Variants in RGPD4 observed in about 807,000 individuals in gnomAD.
RGPD4 encodes RANBP2 like and GRIP domain containing 4, also known as ranBP2-like and GRIP domain-containing protein 4.
RGPD4 carries 84 observed loss-of-function variants against 141.1 expected under a neutral mutation model. The ratio of observed to expected loss-of-function variants is 0.60; its 90% CI spans 0.50 to 0.71. RGPD4 has a LOEUF of 0.71. RGPD4 is among the 30% of genes least tolerant of loss of function. The pLI is 0.00. For synonymous variants in RGPD4, 298 were observed against 566.8 expected (o/e 0.53, Z 6.74); for missense variants, 918 against 1,622.4 (o/e 0.57, Z 7.46).
chr2:107,858,433 CT>C (rs1558804111), intron 9 of RGPD4, among the ~76,000 whole-genome samples: 391 of 151,690 alleles, frequency 2.6e-3, no homozygotes, highest in African/African-American at 8.6e-3. Flanking sequence ...CTTTTCTTTT[CT>C]TTTCTTTTCT....
At chr2:107,890,699 T>A in intron 22 of RGPD4, 22 bp from the exon 23 acceptor site, 3 of 1,596,922 alleles carry the variant, frequency 1.9e-6, no homozygotes, top group Non-Finnish European at 2.6e-6. Context: ...TTTTTCTTTT[T>A]TTTTTGTTTT....
chr2:107,853,420 G>A (rs1222715641), intron 7 of RGPD4, among the ~76,000 whole-genome samples: 10 of 140,836 alleles, frequency 7.1e-5, no homozygotes, highest in Admixed American at 3.6e-4. Context: ...TCTTCCCTTC[G>A]CCATTCTATT....
Position 107,869,881 on chromosome 2 carries a change from A to C in RGPD4, c.2606-2A>C, listed in dbSNP as rs1431969380. 2 of 1,277,870 alleles carry C rather than the reference A, an allele frequency of 1.6e-6. No individual in the cohort carries two copies. Among genetic ancestry groups the C allele is most frequent in the Admixed American group, 4.7e-5 (2 of 42,886 alleles). 79.2% of individuals were successfully genotyped at this position (1,277,870 alleles called of 1,614,324 possible). A position where few individuals can be genotyped will look rare whatever the true frequency, so the allele number is the denominator to read the frequency against. On this transcript the variant is annotated splice_acceptor_variant, in intron 18 of 22. Transcript: ENST00000408999. LOFTEE classifies it high-confidence loss of function. ...TTCTTTCTTTTCTTTTTTTTTTTTT[A>C]GTTGCAACTACTGGCCCTTCAGTAT...
At position 107,854,725 on chromosome 2, in the gene RGPD4, T is replaced by G. The variant is rs1257009328; in HGVS notation, c.1066+82T>G. 1.9e-6 allele frequency: 3 copies of G among 1,566,908 alleles called. No individual in the cohort carries two copies. The African/African-American group carries it at 4.2e-5, about 22-fold the overall frequency. ...CATATCTTATGATAAAATCTCCATCTGTCCAGGAGATAATTTGTCAAAATT... is the reference window on the plus strand; with the variant it reads ...CATATCTTATGATAAAATCTCCATCGGTCCAGGAGATAATTTGTCAAAATT... On this transcript the variant is annotated intron_variant, in intron 8 of 22. Transcript: ENST00000408999.
In RGPD4 at chr2:107,885,925, T is replaced by C. The variant is rs538208055; in HGVS notation, c.5266+3052T>C. 1.1e-4 allele frequency among the ~76,000 whole-genome samples: 17 copies of C among 151,570 alleles called. No homozygotes were observed. In the East Asian group the frequency reaches 3.3e-3, roughly 30 times the overall value. On this transcript the variant is annotated intron_variant, in intron 22 of 22. Transcript: ENST00000408999. ...AAAATTAGCTGGGCGTGGTGGTGCA[T>C]GCCTGTAATCCCAGCTACTTGGGAG...
chr2:107,878,726 G>T (rs1160962598), intron 20 of RGPD4, among the ~76,000 whole-genome samples: 1 of 85,924 alleles, frequency 1.2e-5, no homozygotes, highest in East Asian at 2.9e-4. Flanking sequence ...GCCATCTGCA[G>T]ACTGAGGAGC....
intron 22 of RGPD4, among the ~76,000 whole-genome samples, chr2:107,888,656 A>G (rs563271269): frequency 1.5e-4 from 22 of 147,184 alleles, no homozygotes; most frequent in Admixed American, 7.5e-4. Flanking sequence ...GAATACAGCA[A>G]AAATGATAGA....
chr2:107,849,689 T>A (rs1682073022), intron 7 of RGPD4, among the ~76,000 whole-genome samples: 1 of 94,726 alleles, frequency 1.1e-5, no homozygotes, highest in Admixed American at 1.0e-4. Context: ...TTTTTTTTTT[T>A]AATGAGCCTG....
At chr2:107,834,766 A>G (rs1681614331) in intron 1 of RGPD4, among the ~76,000 whole-genome samples, 1 of 126,714 alleles carries the variant, frequency 7.9e-6, no homozygotes, top group Non-Finnish European at 1.6e-5. Flanking sequence ...ATCTATGGTA[A>G]GAACAAATCT....
At chr2:107,827,600 C>G (rs1573451523) in intron 1 of RGPD4, among the ~76,000 whole-genome samples, 5 of 48,668 alleles carry the variant, frequency 1.0e-4, no homozygotes, top group East Asian at 3.6e-4. Context: ...TCGACCTGGC[C>G]CGGCGGCGGC....
intron 18 of RGPD4, among the ~76,000 whole-genome samples, chr2:107,866,954 G>C (rs553363748): frequency 2.7e-5 from 4 of 149,640 alleles, no homozygotes; most frequent in African/African-American, 5.0e-5. Context: ...AATGAACTAA[G>C]GTTACTAATA....
intron 21 of RGPD4, among the ~76,000 whole-genome samples, chr2:107,880,484 C>T (rs532150263): frequency 9.2e-5 from 14 of 151,534 alleles, no homozygotes; most frequent in South Asian, 4.2e-4. Flanking sequence ...AGGATGGTCT[C>T]GATCTCCTGA....
intron 20 of RGPD4, among the ~76,000 whole-genome samples, chr2:107,874,859 G>T (rs2104504285): frequency 6.6e-6 from 1 of 151,672 alleles, no homozygotes; most frequent in Non-Finnish European, 1.5e-5. Flanking sequence ...GTATCTTACG[G>T]TGTACTGTTA....
intron 7 of RGPD4, among the ~76,000 whole-genome samples, chr2:107,854,054 C>CTTTTT (rs1052579812): frequency 6.4e-5 from 8 of 125,914 alleles, no homozygotes; most frequent in African/African-American, 2.3e-4. Context: ...TGGCCCCTCT[C>CTTTTT]TTTTTTTTTT....
At chr2:107,880,131 C>G in intron 21 of RGPD4, 24 bp downstream of exon 21, 1 of 1,611,484 alleles carries the variant, frequency 6.2e-7, no homozygotes, top group East Asian at 2.2e-5. Context: ...ACCTGGCCAC[C>G]ATGAAAACTG....
rs762526010 is a variant in RGPD4 at position 107,880,008 on chromosome 2, G to T, written c.4965G>T (p.Leu1655Phe). The T allele has an allele frequency of 1.2e-6, 2 of 1,611,372 alleles. No homozygotes were observed. Among genetic ancestry groups the T allele is most frequent in the East Asian group, 2.2e-5 (1 of 44,862 alleles). Reference sequence around the variant, plus strand: ...ATGCTGAATTTACCAAAGAAGAATTGGTTCAGAAGCTCAGTTCCACCACAA... The same window carrying T: ...ATGCTGAATTTACCAAAGAAGAATTTGTTCAGAAGCTCAGTTCCACCACAA... ...LWHAEFTKEELVQKLSSTTKS... is the reference protein window; with the variant it reads ...LWHAEFTKEEFVQKLSSTTKS... Residue 1655 changes from leucine (L) to phenylalanine (F), a missense_variant, in exon 21 of 23, where the codon TTG becomes TTT. Physicochemically the swap from Leu to Phe is conservative, Grantham distance 22 (BLOSUM62 0). Transcript: ENST00000408999.
chr2:107,834,600 G>C (rs560119826), intron 1 of RGPD4, among the ~76,000 whole-genome samples: 3 of 152,080 alleles, frequency 2.0e-5, no homozygotes, highest in African/African-American at 7.2e-5. Flanking sequence ...TTGTGTTCAA[G>C]TAACCCTTAT....
intron 7 of RGPD4, among the ~76,000 whole-genome samples, chr2:107,854,180 G>A (rs1027091890): frequency 1.6e-4 from 20 of 126,202 alleles, no homozygotes; most frequent in African/African-American, 2.3e-4. Context: ...TCAGCCTCCT[G>A]TGTAGCTGGA....
In RGPD4 at chr2:107,826,975, G is replaced by A; in HGVS notation, c.-39G>A. 1 of 1,580,866 alleles carries A rather than the reference G, an allele frequency of 6.3e-7. No homozygotes were observed. Among genetic ancestry groups the A allele is most frequent in the South Asian group, 1.2e-5 (1 of 86,260 alleles). On this transcript the variant is annotated 5_prime_UTR_variant, in exon 1 of 23. Transcript: ENST00000408999. ...ATTGGCGACTGCTGCGGGGCTGAGC[G>A]CTGGTTTCACGCGTCTCGGGAGCCA... is the stretch of plus-strand genomic sequence containing the variant.
Sources: allele counts gnomAD v4.1 joint callset (sites outside exome capture counted in the v4.1 genomes callset), GRCh38; gene constraint gnomAD v4.1.1; transcripts MANE v1.5; gene names NCBI Gene and HGNC (gene_info 2026-07-23, HGNC 2026-07-21).